Variants in RANBP2 observed in about 807,000 individuals in gnomAD.
RANBP2 encodes the protein E3 SUMO-protein ligase RanBP2.
Under a neutral mutation model 303.6 loss-of-function variants are expected in RANBP2, and 57 were observed. The ratio of observed to expected loss-of-function variants is 0.19; its 90% CI spans 0.15 to 0.23. The LOEUF (loss-of-function observed/expected upper bound fraction) is 0.23. Among genes scored for constraint, RANBP2 ranks in the 10% least tolerant of loss-of-function variants. RANBP2 has a pLI of 1.00. For missense variants in RANBP2, 3,138 were observed against 3,780.8 expected, an observed-to-expected ratio of 0.83 and a Z score of 4.46; for synonymous variants, 1,167 against 1,301.5, an observed-to-expected ratio of 0.90 and a Z score of 2.23.
chr2:108,777,559 T>A (rs1614285), intron 25 of RANBP2, among the ~76,000 whole-genome samples: 39,703 of 151,968 alleles, frequency 0.26, 5,580 homozygotes, highest in African/African-American at 0.36. Context: ...ATATTTCAGG[T>A]TTTGTGAGTT....
the RANBP2 span, among the ~76,000 whole-genome samples, chr2:109,455,517 T>C: frequency 9.6e-6 from 1 of 104,236 alleles, no homozygotes; most frequent in Non-Finnish European, 2.2e-5. Context: ...ATATCTCATA[T>C]ATGTGTGTTA....
the RANBP2 span, among the ~76,000 whole-genome samples, chr2:109,325,684 C>T: frequency 9.2e-5 from 14 of 152,296 alleles, no homozygotes; most frequent in African/African-American, 2.2e-4. Context: ...TTTCTATATG[C>T]CCACTCATCT....
chr2:109,251,948 A>G, the RANBP2 span, among the ~76,000 whole-genome samples: 1 of 152,204 alleles, frequency 6.6e-6, no homozygotes, highest in Non-Finnish European at 1.5e-5. Context: ...CAAATAAAAC[A>G]AGATAAAACT....
At chr2:109,077,519 A>G in the RANBP2 span, among the ~76,000 whole-genome samples, 1 of 141,388 alleles carries the variant, frequency 7.1e-6, no homozygotes, top group Non-Finnish European at 1.6e-5. Context: ...TGAAATGAAA[A>G]AGCAACCAAC....
the RANBP2 span, among the ~76,000 whole-genome samples, chr2:109,403,205 A>G: frequency 6.6e-6 from 1 of 152,214 alleles, no homozygotes. Flanking sequence ...GCCTGGGAGC[A>G]CAGCCTGAGA....
the RANBP2 span, among the ~76,000 whole-genome samples, chr2:109,537,766 C>T: frequency 3.9e-5 from 6 of 151,990 alleles, no homozygotes; most frequent in South Asian, 2.1e-4. Flanking sequence ...GGCAACGGGG[C>T]GAAACCCTGT....
chr2:109,310,323 C>T, the RANBP2 span, among the ~76,000 whole-genome samples: 1 of 47,064 alleles, frequency 2.1e-5, no homozygotes, highest in African/African-American at 1.7e-4. Context: ...ACCAGAATCT[C>T]TGGGACACAT....
the RANBP2 span, among the ~76,000 whole-genome samples, chr2:108,993,839 A>T: frequency 2.2e-4 from 34 of 152,318 alleles, no homozygotes; most frequent in East Asian, 6.6e-3. Context: ...GTAGGCTGGG[A>T]GGCCTCAACA....
chr2:109,084,951 T>C, the RANBP2 span, among the ~76,000 whole-genome samples: 1 of 152,122 alleles, frequency 6.6e-6, no homozygotes. Context: ...GCATTTTGAG[T>C]GAATCTCTGT....
At chr2:109,024,183 C>T in the RANBP2 span, among the ~76,000 whole-genome samples, 1 of 152,194 alleles carries the variant, frequency 6.6e-6, no homozygotes, top group East Asian at 1.9e-4. Context: ...CCTCAGCCTC[C>T]CAACGTGCTG....
the RANBP2 span, among the ~76,000 whole-genome samples, chr2:109,557,462 T>C: frequency 2.0e-5 from 3 of 152,172 alleles, no homozygotes; most frequent in Non-Finnish European, 2.9e-5. Context: ...CAAAGAAACA[T>C]AGCTGAAAAG....
At chr2:109,217,172 G>A in the RANBP2 span, among the ~76,000 whole-genome samples, 1 of 152,100 alleles carries the variant, frequency 6.6e-6, no homozygotes, top group Non-Finnish European at 1.5e-5. Flanking sequence ...TTATTCATTC[G>A]TCTGCTCATG....
the RANBP2 span, among the ~76,000 whole-genome samples, chr2:109,025,834 G>A: frequency 6.6e-6 from 1 of 150,870 alleles, no homozygotes; most frequent in Non-Finnish European, 1.5e-5. Context: ...TACATCAATA[G>A]GTTAGAGCTT....
the RANBP2 span, among the ~76,000 whole-genome samples, chr2:109,350,736 A>G: frequency 6.6e-6 from 1 of 152,162 alleles, no homozygotes; most frequent in Non-Finnish European, 1.5e-5. Flanking sequence ...GGCTCTGACA[A>G]CCTCCATGTG....
chr2:109,482,324 T>C, the RANBP2 span, among the ~76,000 whole-genome samples: 20 of 152,194 alleles, frequency 1.3e-4, no homozygotes, highest in African/African-American at 3.9e-4. Flanking sequence ...TAGTCCGTTT[T>C]ACACATGAGG....
chr2:109,393,799 G>A, the RANBP2 span, among the ~76,000 whole-genome samples: 38 of 151,838 alleles, frequency 2.5e-4, no homozygotes, highest in Non-Finnish European at 5.3e-4. Context: ...TTGAAGCTGG[G>A]CACCTCCCAC....
the RANBP2 span, among the ~76,000 whole-genome samples, chr2:109,396,288 C>T: frequency 6.6e-6 from 1 of 152,252 alleles, no homozygotes; most frequent in African/African-American, 2.4e-5. Flanking sequence ...TAGAGCAAAA[C>T]AGCTGAGCCT....
the RANBP2 span, among the ~76,000 whole-genome samples, chr2:109,157,642 C>T: frequency 6.6e-6 from 1 of 152,112 alleles, no homozygotes; most frequent in Non-Finnish European, 1.5e-5. Context: ...TTCCTAGCCA[C>T]CTGAAAGGGA....
the RANBP2 span, among the ~76,000 whole-genome samples, chr2:109,439,789 CAG>C: frequency 1.4e-4 from 21 of 151,828 alleles, no homozygotes; most frequent in Non-Finnish European, 2.2e-4. Flanking sequence ...GGTCTGGAAA[CAG>C]AGGAAAACCA....
Sources: allele counts gnomAD v4.1 joint callset (sites outside exome capture counted in the v4.1 genomes callset), GRCh38; gene constraint gnomAD v4.1.1; transcripts MANE v1.5; gene names NCBI Gene and HGNC (gene_info 2026-07-23, HGNC 2026-07-21).